Variants in ARHGEF28 observed in about 807,000 individuals in gnomAD.
ARHGEF28 encodes the protein 190 kDa guanine nucleotide exchange factor.
In ARHGEF28, 152 loss-of-function variants were observed where a neutral mutation model predicts 206.6. That is an observed-to-expected ratio of 0.74 (90% CI 0.64 to 0.84). The LOEUF (loss-of-function observed/expected upper bound fraction) is 0.84. ARHGEF28 is among the 40% of genes least tolerant of loss of function. The probability of loss-of-function intolerance (pLI) is 0.00; values close to 1 mark genes in which losing one functional copy is unlikely to be tolerated. For synonymous variants in ARHGEF28, 763 were observed against 776.4 expected (o/e 0.98, Z 0.29); for missense variants, 2,028 against 2,073.2 (o/e 0.98, Z 0.42).
In ARHGEF28 at chr5:73,858,157, G is replaced by T; in HGVS notation, c.1985G>T (p.Gly662Val). The stretch of plus-strand genomic sequence containing the variant: ...CAGTTTGCCCCAGGAACATTCTCTG[G>T]GGTTCTGCAGTGTTTGGTTTGTGAT... ...RHQFAPGTFS[G>V]VLQCLVCDKT... Residue 662 changes from glycine to valine, a missense_variant, in exon 16 of 36, where the codon GGG (glycine) becomes GTG (valine). Transcript: ENST00000513042. The T allele has an allele frequency of 6.2e-7, 1 of 1,611,950 alleles. No individual in the cohort carries two copies. The highest frequency in any genetic ancestry group is 8.5e-7 in the Non-Finnish European group (1 of 1,179,310).
intron 2 of ARHGEF28, among the ~76,000 whole-genome samples, chr5:73,720,263 C>A (rs1204472029): frequency 6.6e-6 from 1 of 152,082 alleles, no homozygotes; most frequent in Admixed American, 6.6e-5. Context: ...CATGAATAGA[C>A]ATGACAGGTG....
intron 35 of ARHGEF28, among the ~76,000 whole-genome samples, chr5:73,937,586 T>C (rs1345458616): frequency 1.3e-5 from 2 of 152,198 alleles, no homozygotes; most frequent in East Asian, 1.9e-4. Flanking sequence ...TATAATAATA[T>C]TCGTTTTTAG....
At chr5:73,892,852 C>A (rs1761729652) in intron 27 of ARHGEF28, among the ~76,000 whole-genome samples, 1 of 152,168 alleles carries the variant, frequency 6.6e-6, no homozygotes, top group South Asian at 2.1e-4. Flanking sequence ...TATAAAATTT[C>A]TCTACCTCTA....
intron 2 of ARHGEF28, among the ~76,000 whole-genome samples, chr5:73,694,186 G>A (rs1174173280): frequency 1.3e-5 from 2 of 152,138 alleles, no homozygotes; most frequent in Non-Finnish European, 2.9e-5. Context: ...ACTTTATGGT[G>A]CCCCCTCCTA....
At chr5:73,714,466 A>G (rs920373827) in intron 2 of ARHGEF28, among the ~76,000 whole-genome samples, 5 of 152,198 alleles carry the variant, frequency 3.3e-5, no homozygotes, top group African/African-American at 1.2e-4. Flanking sequence ...GTCCAGTGAT[A>G]ATTCTTCTAT....
At chr5:73,930,397 A>T (rs1764042169) in intron 35 of ARHGEF28, among the ~76,000 whole-genome samples, 1 of 152,184 alleles carries the variant, frequency 6.6e-6, no homozygotes, top group Non-Finnish European at 1.5e-5. Context: ...TCCTTCTGTG[A>T]ATTTCCTGTT....
At chr5:73,758,137 A>G (rs1752412287) in intron 4 of ARHGEF28, among the ~76,000 whole-genome samples, 1 of 152,204 alleles carries the variant, frequency 6.6e-6, no homozygotes, top group Non-Finnish European at 1.5e-5. Context: ...ATGTGGGTAA[A>G]GAACCCAAGG....
intron 11 of ARHGEF28, among the ~76,000 whole-genome samples, chr5:73,841,586 GTC>G (rs1469988611): frequency 6.6e-6 from 1 of 151,804 alleles, no homozygotes; most frequent in Non-Finnish European, 1.5e-5. Flanking sequence ...CGCACATGTG[GTC>G]CTGATACTTG....
chr5:73,893,133 C>G, intron 27 of ARHGEF28, 64 bp from the exon 28 acceptor site: 1 of 1,304,876 alleles, frequency 7.7e-7, no homozygotes, highest in Non-Finnish European at 1.0e-6. Flanking sequence ...CCATGTTTTT[C>G]TAATGAATCT....
At chr5:73,901,468 T>A (rs1580072799) in intron 31 of ARHGEF28, 184 bp downstream of exon 31, 1 of 479,574 alleles carries the variant, frequency 2.1e-6, no homozygotes, top group East Asian at 4.0e-5. Context: ...TTGCACTGCC[T>A]GTGTCATGTA....
chr5:73,763,252 A>T (rs1247711595), intron 4 of ARHGEF28, among the ~76,000 whole-genome samples: 4 of 152,196 alleles, frequency 2.6e-5, no homozygotes, highest in African/African-American at 9.6e-5. Context: ...TCTCACCAGA[A>T]TATCCCTTGT....
At chr5:73,756,829 A>G (rs1752338943) in intron 4 of ARHGEF28, among the ~76,000 whole-genome samples, 1 of 152,234 alleles carries the variant, frequency 6.6e-6, no homozygotes. Context: ...TACTAGGTAG[A>G]AGGAAAACGT....
intron 35 of ARHGEF28, among the ~76,000 whole-genome samples, chr5:73,925,389 T>C (rs1213174515): frequency 2.0e-5 from 3 of 152,338 alleles, no homozygotes; most frequent in East Asian, 3.9e-4. Flanking sequence ...CCTCCACCTT[T>C]TACTCTCAAC....
chr5:73,884,994 T>C (rs926795649), intron 24 of ARHGEF28, among the ~76,000 whole-genome samples: 1 of 152,212 alleles, frequency 6.6e-6, no homozygotes, highest in East Asian at 1.9e-4. Flanking sequence ...CTTCTGATGG[T>C]AAAAGAAATT....
chr5:73,774,830 A>G (rs777105872), intron 5 of ARHGEF28, among the ~76,000 whole-genome samples: 12 of 152,254 alleles, frequency 7.9e-5, no homozygotes, highest in Non-Finnish European at 1.5e-4. Flanking sequence ...AAATTACAAC[A>G]TGCTACATAA....
intron 2 of ARHGEF28, among the ~76,000 whole-genome samples, chr5:73,701,526 C>T (rs750664071): frequency 6.6e-6 from 1 of 152,104 alleles, no homozygotes; most frequent in Non-Finnish European, 1.5e-5. Context: ...ATTTTTGAAG[C>T]ATTTTTGATG....
intron 1 of ARHGEF28, among the ~76,000 whole-genome samples, chr5:73,680,117 G>A (rs549865809): frequency 3.3e-5 from 5 of 152,034 alleles, no homozygotes; most frequent in Admixed American, 1.3e-4. Flanking sequence ...AACAGTTTTC[G>A]ATAGAACACT....
chr5:73,774,128 A>C, intron 5 of ARHGEF28, 90 bp downstream of exon 5: 1 of 1,199,570 alleles, frequency 8.3e-7, no homozygotes, highest in Non-Finnish European at 1.1e-6. Context: ...CCACAAGCTA[A>C]TGTTGGTTTA....
chr5:73,668,630 A>G (rs1032217183), intron 1 of ARHGEF28, among the ~76,000 whole-genome samples: 6 of 152,196 alleles, frequency 3.9e-5, no homozygotes, highest in African/African-American at 1.4e-4. Context: ...GTAACCACCC[A>G]TATACATTTT....
Sources: gnomAD v4.1 joint callset for allele counts (sites outside exome capture counted in the v4.1 genomes callset) on GRCh38, gnomAD v4.1.1 for gene constraint, MANE v1.5 for transcripts, NCBI Gene and HGNC (gene_info 2026-07-23, HGNC 2026-07-21) for gene names.